The following LGSN variants were observed in gnomAD, a reference collection of about 807,000 sequenced individuals.
LGSN encodes the protein lengsin.
A neutral mutation model predicts 19.5 loss-of-function variants in LGSN; 21 were observed. The observed-to-expected ratio is 1.07, with a 90% CI of 0.76 to 1.55. The LOEUF is 1.55. Among genes scored for constraint, LGSN ranks in the 40% most tolerant of loss-of-function variants. LGSN has a pLI of 0.00. For synonymous variants in LGSN, 257 were observed against 215.6 expected (o/e 1.19, Z -1.68); for missense variants, 673 against 608.5 (o/e 1.11, Z -1.12).
At chr6:63,505,755 G>A in the LGSN span, among the ~76,000 whole-genome samples, 1 of 152,122 alleles carries the variant, frequency 6.6e-6, no homozygotes, top group Non-Finnish European at 1.5e-5. Context: ...TTCCTTCCGA[G>A]TTCAAGCAAT....
At chr6:63,363,592 G>A in the LGSN span, among the ~76,000 whole-genome samples, 1 of 152,274 alleles carries the variant, frequency 6.6e-6, no homozygotes, top group African/African-American at 2.4e-5. Flanking sequence ...GTGGAAGAAA[G>A]GGTATCAGTG....
the LGSN span, among the ~76,000 whole-genome samples, chr6:63,546,293 C>T: frequency 1.0e-3 from 156 of 152,308 alleles, 3 homozygotes; most frequent in East Asian, 0.024. Context: ...CACAGAAAGA[C>T]ACATACTCTA....
At chr6:63,360,412 G>T in the LGSN span, among the ~76,000 whole-genome samples, 3 of 151,830 alleles carry the variant, frequency 2.0e-5, no homozygotes, top group African/African-American at 7.3e-5. Flanking sequence ...TCATTCATTT[G>T]ATCTTCCATC....
chr6:63,364,255 C>T, the LGSN span, among the ~76,000 whole-genome samples: 6 of 144,402 alleles, frequency 4.2e-5, no homozygotes, highest in African/African-American at 1.4e-4. Flanking sequence ...AAACGGAAAA[C>T]AAACAAACAA....
At chr6:63,442,340 C>T in the LGSN span, among the ~76,000 whole-genome samples, 1 of 152,182 alleles carries the variant, frequency 6.6e-6, no homozygotes, top group Non-Finnish European at 1.5e-5. Context: ...GGGGACCTGA[C>T]CGGGTTGCTG....
chr6:63,514,083 GTTC>G, the LGSN span, among the ~76,000 whole-genome samples: 965 of 152,128 alleles, frequency 6.3e-3, 8 homozygotes, highest in South Asian at 0.023. Context: ...AATAATCTGT[GTTC>G]TTCTGCCCAC....
intron 2 of LGSN, among the ~76,000 whole-genome samples, chr6:63,286,770 CT>C (rs1254933866): frequency 6.6e-6 from 1 of 152,238 alleles, no homozygotes; most frequent in East Asian, 1.9e-4. Context: ...ATCTACCTCC[CT>C]TCCAATCCTG....
At chr6:63,370,031 GAGA>G in the LGSN span, among the ~76,000 whole-genome samples, 7 of 151,766 alleles carry the variant, frequency 4.6e-5, no homozygotes, top group East Asian at 3.9e-4. Context: ...GAAGGAGAAG[GAGA>G]AGAAGAAGAA....
the LGSN span, among the ~76,000 whole-genome samples, chr6:63,426,815 C>T: frequency 6.6e-6 from 1 of 151,922 alleles, no homozygotes; most frequent in Non-Finnish European, 1.5e-5. Flanking sequence ...ACACTTGGCC[C>T]AGGTATTGGT....
At chr6:63,509,835 A>G in the LGSN span, among the ~76,000 whole-genome samples, 5 of 152,370 alleles carry the variant, frequency 3.3e-5, no homozygotes, top group East Asian at 9.6e-4. Context: ...GCCCCGGGTT[A>G]GTCGCAGACC....
intron 2 of LGSN, among the ~76,000 whole-genome samples, chr6:63,293,326 G>A (rs77407164): frequency 0.033 from 4,949 of 152,168 alleles, 266 homozygotes; most frequent in African/African-American, 0.11. Flanking sequence ...CTAATTTCCA[G>A]CATTTTAATT....
the LGSN span, among the ~76,000 whole-genome samples, chr6:63,478,373 A>G: frequency 6.6e-6 from 1 of 152,204 alleles, no homozygotes; most frequent in South Asian, 2.1e-4. Flanking sequence ...GTGCGGAGTG[A>G]CTGCTAATGG....
chr6:63,475,314 CAAAAAAAAAAA>C, the LGSN span, among the ~76,000 whole-genome samples: 8 of 99,304 alleles, frequency 8.1e-5, no homozygotes, highest in Non-Finnish European at 1.5e-4. Flanking sequence ...ATAGATCTGC[CAAAAAAAAAAA>C]AAAAAAAAAG....
At chr6:63,561,909 G>T in the LGSN span, among the ~76,000 whole-genome samples, 1 of 152,190 alleles carries the variant, frequency 6.6e-6, no homozygotes, top group Non-Finnish European at 1.5e-5. Flanking sequence ...CTCTGCTGCA[G>T]AGAGTACAAT....
At chr6:63,518,553 G>A in the LGSN span, among the ~76,000 whole-genome samples, 1 of 152,180 alleles carries the variant, frequency 6.6e-6, no homozygotes, top group African/African-American at 2.4e-5. Flanking sequence ...GGGCAATGTA[G>A]GTATCAGTCA....
the LGSN span, among the ~76,000 whole-genome samples, chr6:63,430,800 C>T: frequency 2.0e-5 from 3 of 152,096 alleles, no homozygotes; most frequent in African/African-American, 7.2e-5. Context: ...AACAGGGGAG[C>T]CATGTCAATG....
chr6:63,458,220 C>T, the LGSN span, among the ~76,000 whole-genome samples: 1 of 151,860 alleles, frequency 6.6e-6, no homozygotes, highest in Non-Finnish European at 1.5e-5. Context: ...GGCATGTGCC[C>T]CCACGCCCGG....
the LGSN span, among the ~76,000 whole-genome samples, chr6:63,530,254 A>G: frequency 6.6e-6 from 1 of 152,202 alleles, no homozygotes; most frequent in Non-Finnish European, 1.5e-5. Context: ...AGATTATTCC[A>G]AGGTGAAGAA....
chr6:63,570,169 A>G, the LGSN span, among the ~76,000 whole-genome samples: 1 of 152,118 alleles, frequency 6.6e-6, no homozygotes, highest in Non-Finnish European at 1.5e-5. Context: ...AGTTTTCTAA[A>G]AGTACAAACA....
Sources: allele counts gnomAD v4.1 joint callset (sites outside exome capture counted in the v4.1 genomes callset), GRCh38; gene constraint gnomAD v4.1.1; transcripts MANE v1.5; gene names NCBI Gene and HGNC (gene_info 2026-07-23, HGNC 2026-07-21).